The following OR5T2 variants were observed in gnomAD, a reference collection of about 807,000 sequenced individuals.
OR5T2 encodes the protein olfactory receptor family 5 subfamily T member 2.
Under a neutral mutation model 13.7 loss-of-function variants are expected in OR5T2, and 12 were observed. The observed-to-expected ratio is 0.88, with a 90% CI of 0.56 to 1.42. The LOEUF (loss-of-function observed/expected upper bound fraction) is 1.42. Among genes scored for constraint, OR5T2 ranks in the 40% most tolerant of loss-of-function variants. The pLI, the probability that OR5T2 is intolerant of heterozygous loss-of-function variation, is 0.00. For synonymous variants in OR5T2, 146 were observed against 139.5 expected, an observed-to-expected ratio of 1.05 and a Z score of -0.33; for missense variants, 475 against 372.0, an observed-to-expected ratio of 1.28 and a Z score of -2.28.
Position 56,231,950 on chromosome 11 carries a change from C to A in OR5T2, c.*156G>T. ...GCAGGAGAAGGTAAAAGGCCTGCCC[C>A]TGAGGTATAACACCCAACATTATAA... On this transcript the variant is annotated 3_prime_UTR_variant, in exon 2 of 2. Coordinates refer to ENST00000641661, the MANE Select transcript of OR5T2 (RefSeq NM_001004746.4). The A allele has an allele frequency of 1.7e-6, 1 of 575,540 alleles. No homozygotes were observed. The highest frequency in any genetic ancestry group is 2.8e-6 in the Non-Finnish European group (1 of 355,434). The allele number at this position is 575,540 out of a possible 1,614,324, so 35.7% of individuals were successfully genotyped here.
At chr11:56,233,910 A>G (rs1853332837) in intron 1 of OR5T2, among the ~76,000 whole-genome samples, 1 of 151,942 alleles carries the variant, frequency 6.6e-6, no homozygotes, top group Non-Finnish European at 1.5e-5. Context: ...TAGATGCCAA[A>G]ATAAGTTATA....
chr11:56,232,756 A>C lies in OR5T2; in HGVS notation c.307T>G (p.Cys103Gly). The C allele has an allele frequency of 6.2e-7, 1 of 1,614,122 alleles. No homozygotes were observed. Among genetic ancestry groups the C allele is most frequent in the Non-Finnish European group, 8.5e-7 (1 of 1,179,986 alleles). The change falls in exon 2 of 2, where the codon TGT (cysteine) becomes GGT (glycine). Residue 103 changes from cysteine (C) to glycine (G), a missense_variant. By Grantham distance (159) the Cys-to-Gly change is radical (BLOSUM62 -3). Transcript: ENST00000641661. ...LGCVAQVFLA[C>G]SFGTTECFLL... Reference sequence around the variant, plus strand: ...AAGCATTCTGTGGTTCCAAAACTACAAGCAAGAAACACCTGTGCTACACAT... The same window carrying C: ...AAGCATTCTGTGGTTCCAAAACTACCAGCAAGAAACACCTGTGCTACACAT...
At position 56,232,991 on chromosome 11, in the gene OR5T2, G is replaced by C. The variant is rs1159406235; in HGVS notation, c.72C>G (p.Ile24Met). Residue 24 changes from isoleucine (I) to methionine (M), a missense_variant, in exon 2 of 2, where the codon ATC (isoleucine) becomes ATG (methionine). Coordinates refer to ENST00000641661, the MANE Select transcript of OR5T2 (RefSeq NM_001004746.4). ...GFTDNLELQT[I>M]FFFLFLAIYL... Reference sequence around the variant, plus strand: ...AGATTGCTAGAAACAGGAAGAAGAAGATAGTCTGCAGTTCAAGATTGTCTG... The same window carrying C: ...AGATTGCTAGAAACAGGAAGAAGAACATAGTCTGCAGTTCAAGATTGTCTG... 6.2e-7 allele frequency: 1 copy of C among 1,606,622 alleles called. No homozygotes were observed. Among genetic ancestry groups the C allele is most frequent in the African/African-American group, 1.3e-5 (1 of 74,702 alleles).
rs766668091 is a variant in OR5T2, at chr11:56,232,374, T to G, written c.689A>C (p.Glu230Ala). The G allele has an allele frequency of 6.2e-7, 1 of 1,609,824 alleles. No individual in the cohort carries two copies. The highest frequency in any genetic ancestry group is 1.3e-5 in the African/African-American group (1 of 74,840). Residue 230 changes from glutamate (E) to alanine (A), a missense_variant, in exon 2 of 2, where the codon GAA becomes GCA. Glu to Ala is a moderately radical substitution (Grantham distance 107). Coordinates refer to ENST00000641661, the MANE Select transcript of OR5T2 (RefSeq NM_001004746.4). ...TGTGGAGAAGACTTTTCTCCTCCCT[T>G]CAGCAGAATACATCTTCAGAATGGC... ...LLAILKMYSA[E>A]GRRKVFSTCG...
At chr11:56,233,314 T>C (rs1486931786) in intron 1 of OR5T2, 50 bp from the exon 2 acceptor site, 8 of 673,810 alleles carry the variant, frequency 1.2e-5, no homozygotes, top group East Asian at 2.8e-5. Flanking sequence ...GCTGGACTTA[T>C]TCTGTTTCTA....
In OR5T2 at chr11:56,232,675, A is replaced by G; in HGVS notation, c.388T>C (p.Tyr130His). The part of the protein sequence containing the change: ...RYVAIYNPLL[Y>H]SVSMSPRVYM... ...ACTCTGGGTGACATGCTCACTGAAT[A>G]CAGGAGAGGGTTGTAGATGGCTACA... Residue 130 changes from tyrosine to histidine, a missense_variant, in exon 2 of 2, where the codon TAT (tyrosine) becomes CAT (histidine). Coordinates refer to ENST00000641661, the MANE Select transcript of OR5T2 (RefSeq NM_001004746.4). 1 of 1,614,186 alleles carries G rather than the reference A, an allele frequency of 6.2e-7. No individual in the cohort carries two copies. Among genetic ancestry groups the G allele is most frequent in the Middle Eastern group, 1.6e-4 (1 of 6,062 alleles).
rs776975029 is a variant in OR5T2, at chr11:56,232,157, CA to C, written c.905del (p.Met302SerfsTer20). The C allele has an allele frequency of 2.5e-6, 4 of 1,578,562 alleles. No individual in the cohort carries two copies. Among genetic ancestry groups the C allele is most frequent in the Admixed American group, 2.0e-5 (1 of 50,976 alleles). ...TATTGATAACCTGATTTTTCCCAAA[CA>C]TTTTTTTCATTGAGTCTTTTACATC... is the stretch of plus-strand genomic sequence containing the variant. The part of the protein sequence containing the change: ...NKDVKDSMKK[M>X]FGKNQVINKV... On this transcript the variant is annotated frameshift_variant, in exon 2 of 2. Coordinates refer to ENST00000641661, the MANE Select transcript of OR5T2 (RefSeq NM_001004746.4). LOFTEE classifies it high-confidence loss of function.
Position 56,232,898 on chromosome 11 carries a change from T to G in OR5T2, c.165A>C (p.Lys55Asn), listed in dbSNP as rs1282000245. ...LVVIRDSQLH[K>N]PMYYFLSMLS... ...ACATACTCAGAAAATAGTACATGGG[T>G]TTGTGGAGCTGGGAATCCCTAATGA... Residue 55 changes from lysine to asparagine, a missense_variant, in exon 2 of 2, where the codon AAA becomes AAC. Lys to Asn is a moderately conservative substitution (Grantham distance 94). Transcript: ENST00000641661. 8 of 1,611,864 alleles carry G rather than the reference T, an allele frequency of 5.0e-6. No homozygotes were observed. Among genetic ancestry groups the G allele is most frequent in the Non-Finnish European group, 5.9e-6 (7 of 1,179,100 alleles).
rs768981350 is a variant in OR5T2 at position 56,232,409 on chromosome 11, C to A, written c.654G>T (p.Leu218Phe). 6.8e-6 allele frequency: 11 copies of A among 1,610,512 alleles called. No homozygotes were observed. Among genetic ancestry groups the A allele is most frequent in the Non-Finnish European group, 9.3e-6 (11 of 1,178,078 alleles). The change falls in exon 2 of 2, where the codon TTG (leucine) becomes TTT (phenylalanine). Residue 218 changes from leucine (L) to phenylalanine (F), a missense_variant. Transcript: ENST00000641661. ...ACATCTTCAGAATGGCCAACAGAAT[C>A]AAACCATAGGAGATCAGAACAATCA... The part of the protein sequence containing the change: ...TILIVLISYG[L>F]ILLAILKMYS...
At position 56,232,632 on chromosome 11, in the gene OR5T2, T is replaced by G. The variant is rs370158686; in HGVS notation, c.431A>C (p.Asn144Thr). ...MSPRVYMPLINASYVAGILHA... is the reference protein window; with the variant it reads ...MSPRVYMPLITASYVAGILHA... ...TAAAATGCCAGCAACATAGGAAGCA[T>G]TGATGAGTGGCATGTAGACTCTGGG... Residue 144 changes from asparagine (N) to threonine (T), a missense_variant, in exon 2 of 2, where the codon AAT becomes ACT. By Grantham distance (65) the Asn-to-Thr change is moderately conservative. Coordinates refer to ENST00000641661, the MANE Select transcript of OR5T2 (RefSeq NM_001004746.4). The G allele has an allele frequency of 2.2e-5, 36 of 1,614,034 alleles. No individual in the cohort carries two copies. Among genetic ancestry groups the G allele is most frequent in the Non-Finnish European group, 2.7e-5 (32 of 1,179,954 alleles).
Position 56,232,832 on chromosome 11 carries a change from T to TG in OR5T2, c.230dup (p.Asn78LysfsTer11), listed in dbSNP as rs574509983. The TG allele has an allele frequency of 1.2e-6, 2 of 1,613,656 alleles. No homozygotes were observed. Among genetic ancestry groups the TG allele is most frequent in the South Asian group, 2.2e-5 (2 of 91,040 alleles). On this transcript the variant is annotated frameshift_variant, in exon 2 of 2. Transcript: ENST00000641661. LOFTEE classifies it high-confidence loss of function. The stretch of plus-strand genomic sequence containing the variant: ...TTGTCGTAAAATCTACTAACATATT[T>TG]GGGGTAATAACTGAGGAATAGCAGG...
Position 56,232,417 on chromosome 11 carries a change from A to G in OR5T2, c.646T>C (p.Tyr216His), listed in dbSNP as rs1853298126. Residue 216 changes from tyrosine (Y) to histidine (H), a missense_variant, in exon 2 of 2, where the codon TAT (tyrosine) becomes CAT (histidine). Physicochemically the swap from Tyr to His is moderately conservative, Grantham distance 83. Coordinates refer to ENST00000641661, the MANE Select transcript of OR5T2 (RefSeq NM_001004746.4). ...LVTILIVLIS[Y>H]GLILLAILKM... is the part of the protein sequence containing the mutation. ...AGAATGGCCAACAGAATCAAACCAT[A>G]GGAGATCAGAACAATCAGGATAGTG... 1.2e-6 allele frequency: 2 copies of G among 1,610,658 alleles called. No homozygotes were observed. Among genetic ancestry groups the G allele is most frequent in the Non-Finnish European group, 1.7e-6 (2 of 1,178,052 alleles).
chr11:56,233,802 A>G (rs958781808), intron 1 of OR5T2, among the ~76,000 whole-genome samples: 30 of 152,074 alleles, frequency 2.0e-4, no homozygotes, highest in African/African-American at 6.3e-4. Context: ...AAACATGCAA[A>G]TTACCATGAT....
Position 56,233,157 on chromosome 11 carries a change from A to T in OR5T2, c.-95T>A. ...AACACCATGACTCAAGGGGATGTTA[A>T]CTGTGCTCTTGTATATACTGTACGA... is the stretch of plus-strand genomic sequence containing the variant. On this transcript the variant is annotated 5_prime_UTR_variant, in exon 2 of 2. Coordinates refer to ENST00000641661, the MANE Select transcript of OR5T2 (RefSeq NM_001004746.4). 6.4e-7 allele frequency: 1 copy of T among 1,566,156 alleles called. No homozygotes were observed. Among genetic ancestry groups the T allele is most frequent in the Non-Finnish European group, 8.7e-7 (1 of 1,152,888 alleles).
Position 56,232,008 on chromosome 11 carries a change from G to A in OR5T2, c.*98C>T, listed in dbSNP as rs540244076. 105 of 984,296 alleles carry A rather than the reference G, an allele frequency of 1.1e-4. No homozygotes were observed. The African/African-American group carries it at 1.1e-3, about 10-fold the overall frequency. 61.0% of individuals were successfully genotyped at this position (984,296 alleles called of 1,614,324 possible). A position where few individuals can be genotyped will look rare whatever the true frequency, so the allele number is the denominator to read the frequency against. Reference sequence around the variant, plus strand: ...CTGTAACAAAGGCTATGGGAATTATGAGCCAGGAACCCTGGATGGAAACCA... The same window carrying A: ...CTGTAACAAAGGCTATGGGAATTATAAGCCAGGAACCCTGGATGGAAACCA... On this transcript the variant is annotated 3_prime_UTR_variant, in exon 2 of 2. Transcript: ENST00000641661.
chr11:56,232,010 G>T lies in OR5T2; in HGVS notation c.*96C>A. 2 of 1,012,094 alleles carry T rather than the reference G, an allele frequency of 2.0e-6. No individual in the cohort carries two copies. Among genetic ancestry groups the T allele is most frequent in the Non-Finnish European group, 2.8e-6 (2 of 722,408 alleles). 62.7% of individuals were successfully genotyped at this position (1,012,094 alleles called of 1,614,324 possible). ...GTAACAAAGGCTATGGGAATTATGAGCCAGGAACCCTGGATGGAAACCAAC... is the reference window on the plus strand; with the variant it reads ...GTAACAAAGGCTATGGGAATTATGATCCAGGAACCCTGGATGGAAACCAAC... On this transcript the variant is annotated 3_prime_UTR_variant, in exon 2 of 2. Coordinates refer to ENST00000641661, the MANE Select transcript of OR5T2 (RefSeq NM_001004746.4).
chr11:56,232,297 TGAAG>T lies in OR5T2; in HGVS notation c.762_765del (p.Phe255CysfsTer3), dbSNP rs1328826454. The T allele has an allele frequency of 8.1e-6, 13 of 1,610,746 alleles. No individual in the cohort carries two copies. Among genetic ancestry groups the T allele is most frequent in the African/African-American group, 1.3e-5 (1 of 74,828 alleles). On this transcript the variant is annotated frameshift_variant, in exon 2 of 2. Transcript: ENST00000641661. LOFTEE classifies it high-confidence loss of function. ...TAGCTGGAACTTGGTCTCACATACA[TGAAG>T]AGGATTGTCCCATAATAAATTGACA...
At position 56,232,599 on chromosome 11, in the gene OR5T2, G is replaced by A. The variant is rs767091035; in HGVS notation, c.464C>T (p.Thr155Ile). The A allele has an allele frequency of 6.2e-7, 1 of 1,613,952 alleles. No individual in the cohort carries two copies. The highest frequency in any genetic ancestry group is 2.2e-5 in the East Asian group (1 of 44,884). The stretch of plus-strand genomic sequence containing the variant: ...GCTAAATGTAGCCACTGTATGTATA[G>A]TAGCATGTAAAATGCCAGCAACATA... The part of the protein sequence containing the change: ...ASYVAGILHA[T>I]IHTVATFSLS... The change falls in exon 2 of 2, where the codon ACT (threonine) becomes ATT (isoleucine). Residue 155 changes from threonine to isoleucine, a missense_variant. By Grantham distance (89) the Thr-to-Ile change is moderately conservative (BLOSUM62 -1). Coordinates refer to ENST00000641661, the MANE Select transcript of OR5T2 (RefSeq NM_001004746.4).
rs992976104 is a variant in OR5T2 at position 56,233,070 on chromosome 11, T to G, written c.-8A>C. ...TTCAGTGACATTCTTCATGTTGAAATCTAGAACAAACTTGAAGATATGCAT... is the reference window on the plus strand; with the variant it reads ...TTCAGTGACATTCTTCATGTTGAAAGCTAGAACAAACTTGAAGATATGCAT... On this transcript the variant is annotated 5_prime_UTR_variant, in exon 2 of 2. Transcript: ENST00000641661. 5 of 1,606,810 alleles carry G rather than the reference T, an allele frequency of 3.1e-6. No homozygotes were observed. Among genetic ancestry groups the G allele is most frequent in the Non-Finnish European group, 4.3e-6 (5 of 1,174,328 alleles).
Sources: allele counts gnomAD v4.1 joint callset (sites outside exome capture counted in the v4.1 genomes callset), GRCh38; gene constraint gnomAD v4.1.1; transcripts MANE v1.5; gene names NCBI Gene and HGNC (gene_info 2026-07-23, HGNC 2026-07-21).